ARHGAP8: variants seen among roughly 807,000 people sequenced by gnomAD.
ARHGAP8 encodes the protein Rho GTPase activating protein 8.
ARHGAP8 carries 62 observed loss-of-function variants against 46.1 expected under a neutral mutation model. The ratio of observed to expected loss-of-function variants is 1.34; its 90% CI spans 1.10 to 1.66. ARHGAP8 has a LOEUF of 1.66. ARHGAP8 is among the 40% of genes most tolerant of loss of function. ARHGAP8 has a pLI of 0.00. For missense variants in ARHGAP8, 923 were observed against 568.4 expected, an observed-to-expected ratio of 1.62 and a Z score of -6.34; for synonymous variants, 375 against 243.1, an observed-to-expected ratio of 1.54 and a Z score of -5.05.
rs117463304 is a variant in ARHGAP8 at position 44,847,724 on chromosome 22, C to T, written c.671-249C>T. On this transcript the variant is annotated intron_variant, in intron 8 of 11. Coordinates refer to ENST00000356099, the MANE Select transcript of ARHGAP8 (RefSeq NM_181335.3). ...GAGAGCTTTCTCTGAGGTCACACAG[C>T]TGGTAGGCAGAGCTGGACTAGAGCC... Among the ~76,000 whole-genome samples, 620 of 152,314 alleles carry T rather than the reference C, an allele frequency of 4.1e-3. 14 individuals carry two copies. The East Asian group carries it at 0.069, about 17-fold the overall frequency.
intron 1 of ARHGAP8, among the ~76,000 whole-genome samples, chr22:44,777,962 C>G (rs1926543822): frequency 6.6e-6 from 1 of 152,072 alleles, no homozygotes. Flanking sequence ...TCCCAAAGTG[C>G]TGGGATTACA....
rs1029807509 is a variant in ARHGAP8, at chr22:44,862,669, C to T, written c.*74C>T. ...GCACTTGTATGTTTTGTAAACTTGG[C>T]ATCTGTAAAAATAACCAGCCATTAG... On this transcript the variant is annotated 3_prime_UTR_variant, in exon 12 of 12. Transcript: ENST00000356099. 105 of 1,473,112 alleles carry T rather than the reference C, an allele frequency of 7.1e-5. No individual in the cohort carries two copies. Among genetic ancestry groups the T allele is most frequent in the Non-Finnish European group, 9.1e-5 (101 of 1,109,858 alleles). The allele number at this position is 1,473,112 out of a possible 1,614,324, so 91.3% of individuals were successfully genotyped here.
intron 10 of ARHGAP8, among the ~76,000 whole-genome samples, chr22:44,859,368 T>G (rs777718660): frequency 2.2e-4 from 34 of 152,294 alleles, no homozygotes; most frequent in Middle Eastern, 6.8e-3. Context: ...CCACTCTCTC[T>G]TGCTCCTGTT....
intron 2 of ARHGAP8, among the ~76,000 whole-genome samples, chr22:44,795,831 C>T (rs1928044536): frequency 6.6e-6 from 1 of 152,106 alleles, no homozygotes; most frequent in South Asian, 2.1e-4. Context: ...GGGGGCTGCT[C>T]CTCCCACAAG....
chr22:44,862,280 C>T lies in ARHGAP8; in HGVS notation c.987C>T (p.Ser329=), dbSNP rs141333303. 28 of 1,590,504 alleles carry T rather than the reference C, an allele frequency of 1.8e-5. No homozygotes were observed. The highest frequency in any genetic ancestry group is 1.7e-4 in the African/African-American group (13 of 74,546). ...TTGTGTGTGGTTTCCTCCAGGTGTC[C>T]CGGGAGAGCATCTTCAACAAAATGA... ...RYLMGFLHAV[S]RESIFNKMNS... The change falls in exon 12 of 12, where the codon TCC becomes TCT. Residue 329 remains serine, a synonymous_variant. Coordinates refer to ENST00000356099, the MANE Select transcript of ARHGAP8 (RefSeq NM_181335.3).
chr22:44,862,209 A>G, intron 11 of ARHGAP8, 66 bp from the exon 12 acceptor site: 1 of 1,525,508 alleles, frequency 6.6e-7, no homozygotes, highest in Non-Finnish European at 8.8e-7. Flanking sequence ...TAAGTTCGGG[A>G]GGGAGTTCCA....
intron 3 of ARHGAP8, among the ~76,000 whole-genome samples, chr22:44,806,930 C>G (rs917704512): frequency 6.7e-6 from 1 of 148,360 alleles, no homozygotes; most frequent in African/African-American, 2.5e-5. Context: ...CACCACTGCA[C>G]TCCAGCCTGG....
intron 2 of ARHGAP8, 143 bp downstream of exon 2, chr22:44,786,749 T>C: frequency 7.7e-7 from 1 of 1,292,720 alleles, no homozygotes. Flanking sequence ...GTGCAGTGGC[T>C]CATACCTTTA....
intron 2 of ARHGAP8, among the ~76,000 whole-genome samples, chr22:44,790,598 C>T (rs547107087): frequency 4.0e-5 from 6 of 148,650 alleles, no homozygotes; most frequent in African/African-American, 1.5e-4. Flanking sequence ...ATCGCTTGAA[C>T]CCGGGAGACC....
intron 11 of ARHGAP8, among the ~76,000 whole-genome samples, chr22:44,861,777 C>T (rs116545902): frequency 0.012 from 1,859 of 152,208 alleles, 39 homozygotes; most frequent in African/African-American, 0.042. Context: ...AGTAATGACT[C>T]CCCCGTGCTG....
intron 7 of ARHGAP8, among the ~76,000 whole-genome samples, chr22:44,838,139 A>ATTTTTTTTT (rs1569172273): frequency 1.8e-4 from 25 of 139,142 alleles, no homozygotes; most frequent in African/African-American, 6.5e-4. Context: ...ATGCCTGGCT[A>ATTTTTTTTT]ATTTTTTTTT....
At chr22:44,831,896 C>T (rs1267632449) in intron 7 of ARHGAP8, among the ~76,000 whole-genome samples, 2 of 152,080 alleles carry the variant, frequency 1.3e-5, no homozygotes, top group East Asian at 3.9e-4. Context: ...AAGTGTGAGT[C>T]TGTGAGTCCT....
chr22:44,816,857 T>TTTTCTTTCTTTTTTCTTTC (rs1427786334), intron 5 of ARHGAP8, among the ~76,000 whole-genome samples: 1 of 149,298 alleles, frequency 6.7e-6, no homozygotes, highest in Non-Finnish European at 1.5e-5. Flanking sequence ...GGAGCCTTTC[T>TTTTCTTTCTTTTTTCTTTC]TTTCTTTCTT....
At chr22:44,856,462 C>T (rs1030826141) in intron 10 of ARHGAP8, among the ~76,000 whole-genome samples, 50 of 151,744 alleles carry the variant, frequency 3.3e-4, no homozygotes, top group Admixed American at 3.9e-4. Context: ...TTAGTAGAGA[C>T]GGGGTTTCAC....
intron 7 of ARHGAP8, among the ~76,000 whole-genome samples, chr22:44,840,724 A>G (rs2147150762): frequency 6.6e-6 from 1 of 152,316 alleles, no homozygotes; most frequent in South Asian, 2.1e-4. Flanking sequence ...CTCACAGCTC[A>G]ACGAAGCCGG....
chr22:44,776,467 A>C (rs537674319), intron 1 of ARHGAP8, among the ~76,000 whole-genome samples: 2 of 152,238 alleles, frequency 1.3e-5, no homozygotes, highest in African/African-American at 4.8e-5. Flanking sequence ...AAAAAGAAAA[A>C]AAAAAGTAGG....
chr22:44,810,603 C>A (rs529795766), intron 4 of ARHGAP8, among the ~76,000 whole-genome samples: 98 of 152,242 alleles, frequency 6.4e-4, no homozygotes, highest in South Asian at 2.1e-3. Context: ...GCAGGAAGTA[C>A]CAAGGTTCCA....
intron 5 of ARHGAP8, among the ~76,000 whole-genome samples, chr22:44,820,639 C>T (rs1159230562): frequency 6.6e-6 from 1 of 152,200 alleles, no homozygotes; most frequent in African/African-American, 2.4e-5. Flanking sequence ...TCCCCTTGTG[C>T]TTGGGGTGAG....
intron 1 of ARHGAP8, among the ~76,000 whole-genome samples, chr22:44,769,125 G>A (rs774610898): frequency 2.2e-4 from 33 of 152,192 alleles, no homozygotes; most frequent in Non-Finnish European, 3.8e-4. Context: ...ATGAGGCACC[G>A]TGCCCGGCCT....
Sources: allele counts gnomAD v4.1 joint callset (sites outside exome capture counted in the v4.1 genomes callset), GRCh38; gene constraint gnomAD v4.1.1; transcripts MANE v1.5; gene names NCBI Gene and HGNC (gene_info 2026-07-23, HGNC 2026-07-21).